Variants in PLCD1 observed in about 807,000 individuals in gnomAD.
The protein encoded by PLCD1 is phospholipase C delta 1.
In PLCD1, 71 loss-of-function variants were observed where a neutral mutation model predicts 87.4. That is an observed-to-expected ratio of 0.81 (90% CI 0.67 to 0.99). PLCD1 has a LOEUF of 0.99. Among genes scored for constraint, PLCD1 ranks in the 50% least tolerant of loss-of-function variants. PLCD1 has a pLI of 0.00. For missense variants in PLCD1, 867 were observed against 1,001.5 expected (o/e 0.87, Z 1.81); for synonymous variants, 348 against 399.2 (o/e 0.87, Z 1.53).
chr3:38,023,274 G>C (rs1055845026), intron 1 of PLCD1, among the ~76,000 whole-genome samples: 1 of 152,104 alleles, frequency 6.6e-6, no homozygotes, highest in African/African-American at 2.4e-5. Context: ...ACCTCAAAGA[G>C]ACAATGAGCC....
chr3:38,009,455 G>A (rs769471425), intron 9 of PLCD1, 24 bp from the exon 10 acceptor site: 25 of 1,613,744 alleles, frequency 1.5e-5, no homozygotes, highest in Non-Finnish European at 2.1e-5. Context: ...GGAGGCCCGG[G>A]TTAGATTCAG....
chr3:38,013,052 G>T lies in PLCD1; in HGVS notation c.429-1379C>A, dbSNP rs141388733. 1.5e-3 allele frequency among the ~76,000 whole-genome samples: 222 copies of T among 151,862 alleles called. 1 individual carries two copies. Among genetic ancestry groups the T allele is most frequent in the African/African-American group, 5.1e-3 (213 of 41,402 alleles). ...CTACAGGTGCATGTCACTATGCCTG[G>T]CTAATTTTTGTATTTTTTGGAGAGA... On this transcript the variant is annotated intron_variant, in intron 3 of 14. Coordinates refer to ENST00000334661, the MANE Select transcript of PLCD1 (RefSeq NM_006225.4).
Position 38,028,448 on chromosome 3 carries a change from C to T in PLCD1, c.34+1058G>A, listed in dbSNP as rs1306987964. ...CTGGCTGATGGGAACATCTCTAAGT[C>T]CCTCTAAATTCCAGGGGGACTCTAG... On this transcript the variant is annotated intron_variant, in intron 1 of 14. Coordinates refer to ENST00000334661, the MANE Select transcript of PLCD1 (RefSeq NM_006225.4). Among the ~76,000 whole-genome samples the T allele has an allele frequency of 2.6e-5, 4 of 152,200 alleles. No individual in the cohort carries two copies. In the East Asian group the frequency reaches 5.8e-4, roughly 22 times the overall value.
rs9842880 is a variant in PLCD1 at position 38,011,122 on chromosome 3, G to C, written c.790+92C>G. The C allele has an allele frequency of 0.18, 179,959 of 1,019,142 alleles. 18,716 individuals carry two copies. The highest frequency in any genetic ancestry group is 0.4 in the African/African-American group (25,285 of 62,510). 63.1% of individuals were successfully genotyped at this position (1,019,142 alleles called of 1,614,324 possible). ...TGGCTGAGGCAGCCCCTTCCCTCCG[G>C]TTCCCTTCTTTCTGGCTGCAGTCTC... On this transcript the variant is annotated intron_variant, in intron 5 of 14. Transcript: ENST00000334661.
intron 9 of PLCD1, 101 bp from the exon 10 acceptor site, chr3:38,009,532 C>CAGAG (rs1356499382): frequency 3.2e-6 from 5 of 1,558,872 alleles, no homozygotes; most frequent in Non-Finnish European, 4.4e-6. Context: ...GGGAGACAGA[C>CAGAG]AGAGAGAGCG....
At chr3:38,015,094 AC>A (rs773789521) in intron 3 of PLCD1, among the ~76,000 whole-genome samples, 31 of 151,948 alleles carry the variant, frequency 2.0e-4, no homozygotes, top group Non-Finnish European at 3.8e-4. Flanking sequence ...CAGCGATTCT[AC>A]TCCAAGAGAA....
chr3:38,016,680 C>T lies in PLCD1; in HGVS notation c.239G>A (p.Arg80His), dbSNP rs141932732. 525 of 1,577,826 alleles carry T rather than the reference C, an allele frequency of 3.3e-4. 1 individual carries two copies. In the African/African-American group the frequency reaches 5.8e-3, roughly 17 times the overall value. ...GGCGAACTTCTCCAGACCCTCCGTG[C>T]GGTGCCCCATTCGCACCTCCTGAAT... ...EDIQEVRMGH[R>H]TEGLEKFARD... The change falls in exon 3 of 15, where the codon CGC (arginine) becomes CAC (histidine). Residue 80 changes from arginine to histidine, a missense_variant. Transcript: ENST00000334661.
At chr3:38,020,429 C>T in intron 1 of PLCD1, 77 bp from the exon 2 acceptor site, 1 of 1,383,654 alleles carries the variant, frequency 7.2e-7, no homozygotes, top group Non-Finnish European at 1.0e-6. Flanking sequence ...TGGCCATGCC[C>T]ACCTCGACCC....
chr3:38,008,135 A>G lies in PLCD1; in HGVS notation c.2064T>C (p.Phe688=). The G allele has an allele frequency of 6.2e-7, 1 of 1,614,032 alleles. No homozygotes were observed. Among genetic ancestry groups the G allele is most frequent in the Non-Finnish European group, 8.5e-7 (1 of 1,180,024 alleles). ...NGFNPWWDTE[F]AFEVVVPDLA... ...GGTCAGGCACAACTACCTCAAACGC[A>G]AACTCCGTGTCCCACCATGGGTTGA... Residue 688 remains phenylalanine (F), a synonymous_variant, in exon 14 of 15, where the codon TTT becomes TTC. Coordinates refer to ENST00000334661, the MANE Select transcript of PLCD1 (RefSeq NM_006225.4).
rs533759608 is a variant in PLCD1, at chr3:38,011,339, G to T, written c.665C>A (p.Ala222Glu). 1.9e-6 allele frequency: 3 copies of T among 1,612,512 alleles called. No homozygotes were observed. The highest frequency in any genetic ancestry group is 2.2e-5 in the South Asian group (2 of 91,004). The change falls in exon 5 of 15, where the codon GCG (alanine) becomes GAG (glutamate). Residue 222 changes from alanine to glutamate, a missense_variant. Ala to Glu is a moderately radical substitution (Grantham distance 107). Coordinates refer to ENST00000334661, the MANE Select transcript of PLCD1 (RefSeq NM_006225.4). The stretch of plus-strand genomic sequence containing the variant: ...CACCGACAGAGTCTCCCCTGAGCCC[G>T]CGGCCTCGGCGAAGGTGCGGTCGAT... ...VEIDRTFAEA[A>E]GSGETLSVDQ...
Position 38,007,672 on chromosome 3 carries a change from A to C in PLCD1, c.*101T>G. 2.2e-6 allele frequency: 2 copies of C among 902,578 alleles called. No individual in the cohort carries two copies. 55.9% of individuals were successfully genotyped at this position (902,578 alleles called of 1,614,324 possible). A position where few individuals can be genotyped will look rare whatever the true frequency, so the allele number is the denominator to read the frequency against. ...AGGGCTGAAGGCAATTTGGGGGCCT[A>C]GCTCTGAGCAAGAGGCTGGGAGCAG... On this transcript the variant is annotated 3_prime_UTR_variant, in exon 15 of 15. Transcript: ENST00000334661.
In PLCD1 at chr3:38,011,569, T is replaced by C. The variant is rs777099565; in HGVS notation, c.533A>G (p.Asp178Gly). 7 of 1,614,084 alleles carry C rather than the reference T, an allele frequency of 4.3e-6. No homozygotes were observed. Among genetic ancestry groups the C allele is most frequent in the Non-Finnish European group, 5.9e-6 (7 of 1,180,018 alleles). Residue 178 changes from aspartate (D) to glycine (G), a missense_variant, in exon 4 of 15, where the codon GAC (aspartate) becomes GGC (glycine). Transcript: ENST00000334661. ...FLKELNIQVD[D>G]SYARKIFREC... is the part of the protein sequence containing the mutation. Reference sequence around the variant, plus strand: ...CCTGAAGATCTTCCGGGCATAGCTGTCGTCCACCTGGATGTTGAGCTCCTT... The same window carrying C: ...CCTGAAGATCTTCCGGGCATAGCTGCCGTCCACCTGGATGTTGAGCTCCTT...
At chr3:38,011,137 G>T (rs1700067262) in intron 5 of PLCD1, 77 bp downstream of exon 5, 2 of 1,159,150 alleles carry the variant, frequency 1.7e-6, no homozygotes, top group Non-Finnish European at 2.5e-6. Context: ...CTTCTTTCTG[G>T]CTGCAGTCTC....
intron 3 of PLCD1, among the ~76,000 whole-genome samples, chr3:38,015,305 A>G (rs1700138795): frequency 6.6e-6 from 1 of 152,234 alleles, no homozygotes; most frequent in South Asian, 2.1e-4. Flanking sequence ...GAATATTGCA[A>G]ACATCACGCT....
intron 11 of PLCD1, 141 bp downstream of exon 11, chr3:38,008,901 A>G (rs917901705): frequency 1.1e-4 from 82 of 717,278 alleles, no homozygotes; most frequent in Middle Eastern, 3.9e-4. Context: ...TTCCAGACTG[A>G]TATTACCAGC....
chr3:38,024,906 G>A, intron 1 of PLCD1: 1 of 323,068 alleles, frequency 3.1e-6, no homozygotes, highest in South Asian at 2.7e-5. Flanking sequence ...GGGGATGGGG[G>A]TGGATCCAGA....
chr3:38,008,993 G>A, intron 11 of PLCD1, 49 bp downstream of exon 11: 1 of 1,482,000 alleles, frequency 6.7e-7, no homozygotes, highest in Non-Finnish European at 9.4e-7. Context: ...CCCCGGCCTT[G>A]GGACTGAAAC....
In PLCD1 at chr3:38,007,750, G is replaced by T. The variant is rs772314818; in HGVS notation, c.*23C>A. On this transcript the variant is annotated 3_prime_UTR_variant, in exon 15 of 15. Transcript: ENST00000334661. ...ACAGAGGGCCCAGCCCACTCAGGGGGGACCCCACTGGCTTCCTCCAGCCTA... is the reference window on the plus strand; with the variant it reads ...ACAGAGGGCCCAGCCCACTCAGGGGTGACCCCACTGGCTTCCTCCAGCCTA... The T allele has an allele frequency of 6.3e-7, 1 of 1,586,736 alleles. No homozygotes were observed. The highest frequency in any genetic ancestry group is 1.1e-5 in the South Asian group (1 of 90,532).
Position 38,029,398 on chromosome 3 carries a change from G to A in PLCD1, c.34+108C>T, listed in dbSNP as rs1700339604. ...AGGGGCAGAGAGGCGGGCCCGGGGT[G>A]GTGTGGAGGCGGCCGAAGGAGCTGG... is the stretch of plus-strand genomic sequence containing the variant. On this transcript the variant is annotated intron_variant, in intron 1 of 14. Coordinates refer to ENST00000334661, the MANE Select transcript of PLCD1 (RefSeq NM_006225.4). The A allele has an allele frequency of 2.0e-5, 19 of 949,724 alleles. No homozygotes were observed. In the South Asian group the frequency reaches 2.6e-4, roughly 13 times the overall value. The allele number at this position is 949,724 out of a possible 1,614,324, so 58.8% of individuals were successfully genotyped here. A position where few individuals can be genotyped will look rare whatever the true frequency, so the allele number is the denominator to read the frequency against.
Sources: gnomAD v4.1 joint callset for allele counts (sites outside exome capture counted in the v4.1 genomes callset) on GRCh38, gnomAD v4.1.1 for gene constraint, MANE v1.5 for transcripts, NCBI Gene and HGNC (gene_info 2026-07-23, HGNC 2026-07-21) for gene names.